The following ACKR2 variants were observed in gnomAD, a reference collection of about 807,000 sequenced individuals.
ACKR2 encodes the protein atypical chemokine receptor 2.
For missense variants in ACKR2, 457 were observed against 477.3 expected (o/e 0.96, Z 0.40); for synonymous variants, 207 against 192.2 (o/e 1.08, Z -0.64).
chr3:42,840,110 A>G (rs546778906), intron 2 of ACKR2, among the ~76,000 whole-genome samples: 2 of 152,018 alleles, frequency 1.3e-5, no homozygotes, highest in Non-Finnish European at 2.9e-5. Context: ...TACAAAAAAA[A>G]TTAGCCGGGC....
chr3:42,833,966 T>C (rs1700958708), intron 2 of ACKR2, among the ~76,000 whole-genome samples: 2 of 152,210 alleles, frequency 1.3e-5, no homozygotes, highest in African/African-American at 4.8e-5. Context: ...ATTATTTTTA[T>C]TTTTATTTTT....
intron 1 of ACKR2, among the ~76,000 whole-genome samples, chr3:42,810,208 C>T (rs192024965): frequency 1.3e-5 from 2 of 152,118 alleles, no homozygotes; most frequent in Admixed American, 6.5e-5. Context: ...GTTGGTAATG[C>T]GATTAAGTTG....
intron 2 of ACKR2, among the ~76,000 whole-genome samples, chr3:42,838,770 A>T (rs1222703624): frequency 6.6e-6 from 1 of 152,230 alleles, no homozygotes; most frequent in Non-Finnish European, 1.5e-5. Context: ...TGGCAGATTT[A>T]TTTGTTGATT....
intron 2 of ACKR2, among the ~76,000 whole-genome samples, chr3:42,844,585 T>C (rs1472826170): frequency 2.0e-5 from 3 of 152,104 alleles, no homozygotes; most frequent in Admixed American, 1.3e-4. Flanking sequence ...AGTCAGCCAG[T>C]GTGTGCCCAG....
rs1020811217 is a variant in ACKR2 at position 42,865,875 on chromosome 3, C to T, written c.*218C>T. The T allele has an allele frequency of 3.8e-6, 2 of 523,154 alleles. No individual in the cohort carries two copies. The highest frequency in any genetic ancestry group is 6.9e-6 in the Non-Finnish European group (2 of 289,806). 32.4% of individuals were successfully genotyped at this position (523,154 alleles called of 1,614,324 possible). A position where few individuals can be genotyped will look rare whatever the true frequency, so the allele number is the denominator to read the frequency against. ...GCTTTCTTTTCTGAATTGCTACAAT[C>T]TTTCTTCCTTCCTTCCTTGCTTCCT... is the stretch of plus-strand genomic sequence containing the variant. On this transcript the variant is annotated 3_prime_UTR_variant, in exon 3 of 3. Coordinates refer to ENST00000422265, the MANE Select transcript of ACKR2 (RefSeq NM_001296.5).
intron 2 of ACKR2, among the ~76,000 whole-genome samples, chr3:42,834,386 G>C (rs912513277): frequency 6.6e-6 from 1 of 151,348 alleles, no homozygotes; most frequent in Non-Finnish European, 1.5e-5. Flanking sequence ...CTTTTTTTTC[G>C]GTAGGGAAGA....
chr3:42,818,825 G>T (rs1369994079), intron 1 of ACKR2, among the ~76,000 whole-genome samples: 1 of 152,210 alleles, frequency 6.6e-6, no homozygotes, highest in Non-Finnish European at 1.5e-5. Flanking sequence ...GCCTCCTAAA[G>T]TGTTGGGATT....
At chr3:42,848,011 G>A (rs1348480433) in intron 2 of ACKR2, among the ~76,000 whole-genome samples, 1 of 152,076 alleles carries the variant, frequency 6.6e-6, no homozygotes, top group Non-Finnish European at 1.5e-5. Context: ...GGGTGACACT[G>A]AGGGAGTGAC....
chr3:42,857,850 C>T (rs768602992), intron 2 of ACKR2, among the ~76,000 whole-genome samples: 1 of 152,222 alleles, frequency 6.6e-6, no homozygotes, highest in Non-Finnish European at 1.5e-5. Flanking sequence ...CTGGCATCTG[C>T]CATTACTGAG....
intron 2 of ACKR2, among the ~76,000 whole-genome samples, chr3:42,856,864 A>G (rs567557339): frequency 1.5e-5 from 2 of 129,330 alleles, no homozygotes; most frequent in East Asian, 3.1e-4. Flanking sequence ...TCTTTGTTCA[A>G]TATGAAGTCT....
chr3:42,843,194 G>A (rs1053630882), intron 2 of ACKR2, among the ~76,000 whole-genome samples: 4 of 151,376 alleles, frequency 2.6e-5, no homozygotes, highest in Non-Finnish European at 5.9e-5. Context: ...CCTGCCTCCC[G>A]AGAGTAGCTG....
intron 1 of ACKR2, among the ~76,000 whole-genome samples, chr3:42,815,031 A>G (rs1700735495): frequency 6.6e-6 from 1 of 152,238 alleles, no homozygotes; most frequent in African/African-American, 2.4e-5. Context: ...ATTTGTGACT[A>G]GAGCAGAGTC....
chr3:42,865,179 T>C lies in ACKR2; in HGVS notation c.677T>C (p.Met226Thr). The C allele has an allele frequency of 1.2e-6, 2 of 1,614,154 alleles. No individual in the cohort carries two copies. Among genetic ancestry groups the C allele is most frequent in the South Asian group, 2.2e-5 (2 of 91,074 alleles). Residue 226 changes from methionine (M) to threonine (T), a missense_variant, in exon 3 of 3, where the codon ATG becomes ACG. Coordinates refer to ENST00000422265, the MANE Select transcript of ACKR2 (RefSeq NM_001296.5). ...LLGFLLPLLA[M>T]IFFYSRIGCV... ...GGGTTTCTCCTTCCACTCCTTGCCA[T>C]GATCTTCTTCTACTCCCGTATTGGT...
chr3:42,828,092 A>ATATATATATATTTT (rs1193533555), intron 2 of ACKR2, among the ~76,000 whole-genome samples: 1 of 121,902 alleles, frequency 8.2e-6, no homozygotes, highest in African/African-American at 3.2e-5. Context: ...ATATATATAT[A>ATATATATATATTTT]TTTTTTTTTT....
Position 42,864,947 on chromosome 3 carries a change from G to T in ACKR2, c.445G>T (p.Ala149Ser). 1 of 1,614,132 alleles carries T rather than the reference G, an allele frequency of 6.2e-7. No homozygotes were observed. The highest frequency in any genetic ancestry group is 1.1e-5 in the South Asian group (1 of 91,078). The change falls in exon 3 of 3, where the codon GCT becomes TCT. Residue 149 changes from alanine (A) to serine (S), a missense_variant. Ala to Ser is a moderately conservative substitution (Grantham distance 99, BLOSUM62 1). Coordinates refer to ENST00000422265, the MANE Select transcript of ACKR2 (RefSeq NM_001296.5). ...SLDKYLEIVH[A>S]QPYHRLRTRA... ...GGACAAGTACCTGGAGATCGTTCATGCTCAGCCCTACCACAGGCTGAGGAC... is the reference window on the plus strand; with the variant it reads ...GGACAAGTACCTGGAGATCGTTCATTCTCAGCCCTACCACAGGCTGAGGAC...
chr3:42,834,489 C>T (rs143919517), intron 2 of ACKR2: 5 of 152,236 alleles, frequency 3.3e-5, no homozygotes, highest in Non-Finnish European at 7.4e-5. Context: ...ATCCACCCAC[C>T]TCAGCCCCAC....
chr3:42,817,056 A>G (rs1700758670), intron 1 of ACKR2, among the ~76,000 whole-genome samples: 2 of 152,144 alleles, frequency 1.3e-5, no homozygotes, highest in South Asian at 4.2e-4. Flanking sequence ...ATTTAGCCTC[A>G]CATTTTTCAT....
At chr3:42,834,928 A>G (rs1391461366) in intron 2 of ACKR2, among the ~76,000 whole-genome samples, 2 of 150,202 alleles carry the variant, frequency 1.3e-5, no homozygotes, top group East Asian at 4.0e-4. Flanking sequence ...TCTGCTACCC[A>G]GGCTGGAGTG....
At chr3:42,841,991 C>A (rs1456840473) in intron 2 of ACKR2, among the ~76,000 whole-genome samples, 1 of 152,106 alleles carries the variant, frequency 6.6e-6, no homozygotes, top group East Asian at 1.9e-4. Context: ...TTCCTGATCT[C>A]TCTGTGCCTC....
Sources: allele counts gnomAD v4.1 joint callset (sites outside exome capture counted in the v4.1 genomes callset), GRCh38; gene constraint gnomAD v4.1.1; transcripts MANE v1.5; gene names NCBI Gene and HGNC (gene_info 2026-07-23, HGNC 2026-07-21).